The following MUC4 variants were observed in gnomAD, a reference collection of about 807,000 sequenced individuals.
MUC4 encodes the protein mucin-4.
MUC4 carries 202 observed loss-of-function variants against 257.9 expected under a neutral mutation model. That is an observed-to-expected ratio of 0.78 (90% CI 0.70 to 0.88). The LOEUF (loss-of-function observed/expected upper bound fraction) is 0.88, where lower values mean the gene tolerates loss of function less well. Ranked by LOEUF, MUC4 falls within the 40% of genes least tolerant of loss-of-function variation. The pLI is 0.00. For missense variants in MUC4, 5,976 were observed against 6,513.7 expected (o/e 0.92, Z 2.84); for synonymous variants, 2,351 against 2,757.1 (o/e 0.85, Z 4.62).
chr3:195,761,943 C>T (rs1719033312), intron 14 of MUC4, 144 bp downstream of exon 14: 1 of 1,046,318 alleles, frequency 9.6e-7, no homozygotes, highest in Middle Eastern at 3.1e-4. Context: ...CCCCTCGGCT[C>T]CCGGCCCGCT....
intron 18 of MUC4, 124 bp from the exon 19 acceptor site, chr3:195,754,496 G>T: frequency 8.0e-7 from 1 of 1,254,750 alleles, no homozygotes; most frequent in Non-Finnish European, 1.1e-6. Flanking sequence ...AGCCCCACCA[G>T]CACCTGCTGA....
chr3:195,773,780 C>T (rs919424121), intron 4 of MUC4, among the ~76,000 whole-genome samples: 4 of 152,222 alleles, frequency 2.6e-5, no homozygotes, highest in Non-Finnish European at 5.9e-5. Context: ...ATCGCTCAGT[C>T]GCCCTCTCAT....
At chr3:195,770,584 G>A (rs1024909673) in intron 5 of MUC4, 6 of 602,594 alleles carry the variant, frequency 1.0e-5, no homozygotes, top group African/African-American at 1.9e-5. Context: ...AGAATGCAGG[G>A]TCGTGGCCCA....
At chr3:195,748,731 C>T (rs557357587) in intron 24 of MUC4, among the ~76,000 whole-genome samples, 171 bp downstream of exon 24, 1 of 152,376 alleles carries the variant, frequency 6.6e-6, no homozygotes, top group Admixed American at 6.5e-5. Flanking sequence ...TGTAATATAG[C>T]GCCTTTATTC....
chr3:195,811,871 T>TGCA lies in MUC4; in HGVS notation c.-57_-55dup. On this transcript the variant is annotated 5_prime_UTR_variant, in exon 1 of 25. Coordinates refer to ENST00000463781, the MANE Select transcript of MUC4 (RefSeq NM_018406.7). The stretch of plus-strand genomic sequence containing the variant: ...TGGGGAAGCTCCACGGCCCAGCAGC[T>TGCA]GCAGTGTGAGGAGCAGACGTGAGCC... 1 of 1,574,918 alleles carries TGCA rather than the reference T, an allele frequency of 6.3e-7. No individual in the cohort carries two copies. The highest frequency in any genetic ancestry group is 2.2e-5 in the East Asian group (1 of 44,546).
In MUC4 at chr3:195,784,448, A is replaced by T. The variant is rs1209919072; in HGVS notation, c.7132T>A (p.Ser2378Thr). Residue 2378 changes from serine to threonine, a missense_variant, in exon 2 of 25, where the codon TCC (serine) becomes ACC (threonine). Physicochemically the swap from Ser to Thr is moderately conservative, Grantham distance 58. Transcript: ENST00000463781. ...GGAAGAGGGGTGGTGTGACCTGAGG[A>T]TGCTGAGGAAGAGCTGGTGACAGGA... ...PLPVTSSSSA[S>T]SGHTTPLPVT... 2 of 1,380,316 alleles carry T rather than the reference A, an allele frequency of 1.4e-6. No individual in the cohort carries two copies. Among genetic ancestry groups the T allele is most frequent in the Non-Finnish European group, 2.0e-6 (2 of 1,009,892 alleles). The allele number at this position is 1,380,316 out of a possible 1,614,324, so 85.5% of individuals were successfully genotyped here.
chr3:195,752,627 G>A (rs1716692259), intron 20 of MUC4, 181 bp from the exon 21 acceptor site: 5 of 624,862 alleles, frequency 8.0e-6, no homozygotes, highest in South Asian at 7.5e-5. Context: ...AAGAAACCGG[G>A]AGAAGTGGCC....
chr3:195,789,609 G>A lies in MUC4; in HGVS notation c.1971C>T (p.Pro657=), dbSNP rs767415968. Reference sequence around the variant, plus strand: ...TGGTGACTGTCTTGGTGTCAGTCATGGGGGAGACGGACCTCGTGGTTTGTG... The same window carrying A: ...TGGTGACTGTCTTGGTGTCAGTCATAGGGGAGACGGACCTCGTGGTTTGTG... ...QESQTTRSVS[P]MTDTKTVTTP... The change falls in exon 2 of 25, where the codon CCC becomes CCT. Residue 657 remains proline, a synonymous_variant. Transcript: ENST00000463781. The A allele has an allele frequency of 1.9e-6, 3 of 1,613,982 alleles. No individual in the cohort carries two copies. The Admixed American group carries it at 5.0e-5, about 27-fold the overall frequency.
At chr3:195,776,373 TACCTTCCACACC>T (rs1724723721) in intron 3 of MUC4, among the ~76,000 whole-genome samples, 2 of 109,970 alleles carry the variant, frequency 1.8e-5, no homozygotes, top group Admixed American at 8.3e-5. Flanking sequence ...TCCACAGCCA[TACCTTCCACACC>T]CATACCTTCC....
chr3:195,788,982 C>T lies in MUC4; in HGVS notation c.2598G>A (p.Ser866=), dbSNP rs755050933. 19 of 1,613,530 alleles carry T rather than the reference C, an allele frequency of 1.2e-5. No individual in the cohort carries two copies. In the Admixed American group the frequency reaches 1.5e-4, roughly 13 times the overall value. The stretch of plus-strand genomic sequence containing the variant: ...TGGGATGAAAGGTGCCGGGGACGAT[C>T]GAAGACGCCATTCCTGTGCTTACTG... ...AIPVSTGMAS[S]IVPGTFHPTL... is the part of the protein sequence containing the mutation. Residue 866 remains serine, a synonymous_variant, in exon 2 of 25, where the codon TCG becomes TCA. Coordinates refer to ENST00000463781, the MANE Select transcript of MUC4 (RefSeq NM_018406.7).
At position 195,778,938 on chromosome 3, in the gene MUC4, A is replaced by C. The variant is rs531974159; in HGVS notation, c.12642T>G (p.Thr4214=). The C allele has an allele frequency of 1.3e-6, 2 of 1,511,048 alleles. No individual in the cohort carries two copies. The highest frequency in any genetic ancestry group is 5.1e-5 in the East Asian group (2 of 39,066). The allele number at this position is 1,511,048 out of a possible 1,614,324, so 93.6% of individuals were successfully genotyped here. The change falls in exon 2 of 25, where the codon ACT becomes ACG. Residue 4214 remains threonine (T), a synonymous_variant. Coordinates refer to ENST00000463781, the MANE Select transcript of MUC4 (RefSeq NM_018406.7). ...TGGCGTGACCTGTGGATGCTGAGGA[A>C]GTGTCGGTGACAGGAAGAGGGGTGG... is the stretch of plus-strand genomic sequence containing the variant. ...GHATPLPVTD[T]SSASTGHATP...
Position 195,780,129 on chromosome 3 carries a change from T to C in MUC4, c.11451A>G (p.Val3817=), listed in dbSNP as rs552346344. Residue 3817 remains valine (V), a synonymous_variant, in exon 2 of 25, where the codon GTA becomes GTG. Coordinates refer to ENST00000463781, the MANE Select transcript of MUC4 (RefSeq NM_018406.7). ...TPLPVTSLSS[V]STGDTTPLPV... ...GAAGAGGGGTGGTGTCACCTGTGGA[T>C]ACTGAGGAAAGGCTGGTGACAGGAA... 8 of 1,458,440 alleles carry C rather than the reference T, an allele frequency of 5.5e-6. No homozygotes were observed. The African/African-American group carries it at 1.1e-4, about 20-fold the overall frequency. The allele number at this position is 1,458,440 out of a possible 1,614,324, so 90.3% of individuals were successfully genotyped here.
chr3:195,772,755 T>A (rs1723290666), intron 4 of MUC4, among the ~76,000 whole-genome samples: 1 of 140,690 alleles, frequency 7.1e-6, no homozygotes, highest in Admixed American at 7.1e-5. Context: ...CTCAGGGGTG[T>A]AGACACCCCC....
rs142598784 is a variant in MUC4, at chr3:195,774,169, C to T, written c.13077+3G>A. On this transcript the variant is annotated splice_donor_region_variant and intron_variant, in intron 4 of 24. Transcript: ENST00000463781. ...GGCTGCGCGGGCCGCAGCCCGGACT[C>T]ACGTAGAGGGAATCACGGAGAGAGG... 93 of 1,605,872 alleles carry T rather than the reference C, an allele frequency of 5.8e-5. No homozygotes were observed. The African/African-American group carries it at 1.2e-3, about 21-fold the overall frequency.
At chr3:195,796,035 A>T (rs1046728362) in intron 1 of MUC4, among the ~76,000 whole-genome samples, 2 of 152,084 alleles carry the variant, frequency 1.3e-5, no homozygotes, top group Non-Finnish European at 2.9e-5. Context: ...ATCAAAAATG[A>T]ATTAAGAAAA....
At position 195,780,883 on chromosome 3, in the gene MUC4, G is replaced by A. The variant is rs1456561393; in HGVS notation, c.10697C>T (p.Ala3566Val). ...TDASSASTGQ[A>V]TPLPVTSLSS... ...AAGGCTGGTGACAGGAAGAGGGGTGGCCTGACCTGTGGATGCCGAGGAAGC... is the reference window on the plus strand; with the variant it reads ...AAGGCTGGTGACAGGAAGAGGGGTGACCTGACCTGTGGATGCCGAGGAAGC... Residue 3566 changes from alanine (A) to valine (V), a missense_variant, in exon 2 of 25, where the codon GCC becomes GTC. Ala to Val is a moderately conservative substitution (Grantham distance 64, BLOSUM62 0). Transcript: ENST00000463781. 2.0e-6 allele frequency: 3 copies of A among 1,491,630 alleles called. No individual in the cohort carries two copies. The South Asian group carries it at 3.6e-5, about 18-fold the overall frequency. The allele number at this position is 1,491,630 out of a possible 1,614,324, so 92.4% of individuals were successfully genotyped here. A position where few individuals can be genotyped will look rare whatever the true frequency, so the allele number is the denominator to read the frequency against.
intron 1 of MUC4, among the ~76,000 whole-genome samples, chr3:195,792,063 G>T (rs537738904): frequency 1.1e-3 from 165 of 152,280 alleles, no homozygotes; most frequent in Non-Finnish European, 1.1e-3. Flanking sequence ...ATACCATTCA[G>T]GACATAGACA....
intron 3 of MUC4, among the ~76,000 whole-genome samples, chr3:195,775,625 C>A (rs1724366448): frequency 2.9e-5 from 3 of 102,196 alleles, no homozygotes; most frequent in African/African-American, 9.4e-5. Context: ...CACAGTCATA[C>A]CTTCCACACC....
At chr3:195,802,182 A>C (rs1735408532) in intron 1 of MUC4, among the ~76,000 whole-genome samples, 1 of 152,170 alleles carries the variant, frequency 6.6e-6, no homozygotes, top group Admixed American at 6.5e-5. Context: ...TGCTAACAAC[A>C]GTCCCCCAGA....
Sources: allele counts gnomAD v4.1 joint callset (sites outside exome capture counted in the v4.1 genomes callset), GRCh38; gene constraint gnomAD v4.1.1; transcripts MANE v1.5; gene names NCBI Gene and HGNC (gene_info 2026-07-23, HGNC 2026-07-21).